The following SH2D3C variants were observed in gnomAD, a reference collection of about 807,000 sequenced individuals.
SH2D3C encodes SH2 domain containing 3C.
Under a neutral mutation model 75.2 loss-of-function variants are expected in SH2D3C, and 25 were observed. The ratio of observed to expected loss-of-function variants is 0.33; its 90% CI spans 0.24 to 0.46. SH2D3C has a LOEUF of 0.46. Among genes scored for constraint, SH2D3C ranks in the 20% least tolerant of loss-of-function variants. The pLI, the probability that SH2D3C is intolerant of heterozygous loss-of-function variation, is 1.00. For synonymous variants in SH2D3C, 450 were observed against 473.7 expected (o/e 0.95, Z 0.65); for missense variants, 933 against 1,165.3 (o/e 0.80, Z 2.90).
chr9:127,760,357 G>C (rs903221212), intron 3 of SH2D3C, among the ~76,000 whole-genome samples: 9 of 152,122 alleles, frequency 5.9e-5, no homozygotes, highest in African/African-American at 1.9e-4. Context: ...TATAGTCCTG[G>C]CATCAAACTT....
intron 2 of SH2D3C, among the ~76,000 whole-genome samples, chr9:127,767,868 G>A (rs1845663974): frequency 6.6e-6 from 1 of 152,212 alleles, no homozygotes; most frequent in Admixed American, 6.5e-5. Flanking sequence ...CAGTCAGTGG[G>A]CCTCTGAGCT....
At position 127,749,569 on chromosome 9, in the gene SH2D3C, G is replaced by C; in HGVS notation, c.781C>G (p.Gln261Glu). 2 of 1,611,786 alleles carry C rather than the reference G, an allele frequency of 1.2e-6. No homozygotes were observed. Among genetic ancestry groups the C allele is most frequent in the Non-Finnish European group, 1.7e-6 (2 of 1,178,936 alleles). The change falls in exon 5 of 12, where the codon CAG becomes GAG. Residue 261 changes from glutamine to glutamate, a missense_variant. By Grantham distance (29) the Gln-to-Glu change is conservative (BLOSUM62 2). Coordinates refer to ENST00000314830, the MANE Select transcript of SH2D3C (RefSeq NM_170600.3). The surrounding 1 kb of genome is among the most constrained non-coding windows in gnomAD (Gnocchi z 5.9). ...DYVLTCRWRN[Q>E]ALHFKINKVV... is the part of the protein sequence containing the mutation. Reference sequence around the variant, plus strand: ...TTGTTGATCTTGAAGTGCAAGGCCTGGTTGCGCCAGCGGCACGTGAGCACA... The same window carrying C: ...TTGTTGATCTTGAAGTGCAAGGCCTCGTTGCGCCAGCGGCACGTGAGCACA...
intron 2 of SH2D3C, chr9:127,771,506 C>A: frequency 1.7e-6 from 1 of 577,496 alleles, no homozygotes; most frequent in Non-Finnish European, 2.7e-6. Context: ...GAAGGCCTCG[C>A]CCCCTAGCAC....
intron 2 of SH2D3C, among the ~76,000 whole-genome samples, chr9:127,770,759 G>A (rs1845717671): frequency 6.6e-6 from 1 of 152,218 alleles, no homozygotes; most frequent in Admixed American, 6.5e-5. Context: ...GTCCACAGGG[G>A]AAGAAGGCTT....
chr9:127,739,881 C>T lies in SH2D3C; in HGVS notation c.2208G>A (p.Pro736=), dbSNP rs776797520. 2.6e-5 allele frequency: 39 copies of T among 1,526,480 alleles called. No homozygotes were observed. Among genetic ancestry groups the T allele is most frequent in the Non-Finnish European group, 2.9e-5 (33 of 1,130,294 alleles). The allele number at this position is 1,526,480 out of a possible 1,614,324, so 94.6% of individuals were successfully genotyped here. ...LKSLNEGKEG[P]PLSNTTFPHV... is the part of the protein sequence containing the mutation. ...GAGGAAACGTGGTGTTGCTCAGCGG[C>T]GGGCCTTCTGCAAGGAGAAAGGCAG... The change falls in exon 11 of 12, where the codon CCG becomes CCA. Residue 736 remains proline, a synonymous_variant. Transcript: ENST00000314830. This position sits in a 1 kb window ranked among gnomAD's most constrained non-coding sequence, Gnocchi z 4.3.
In SH2D3C at chr9:127,744,993, T is replaced by C; in HGVS notation, c.1371A>G (p.Pro457=). Residue 457 remains proline, a synonymous_variant, in exon 7 of 12, where the codon CCA becomes CCG. Transcript: ENST00000314830. The part of the protein sequence containing the change: ...SEPQLCPGSA[P]KTHGESDKGP... ...CCTTGTCTGACTCCCCATGGGTCTT[T>C]GGGGCACTTCCGGGACACAGCTGGG... The C allele has an allele frequency of 6.6e-7, 1 of 1,526,476 alleles. No individual in the cohort carries two copies. Among genetic ancestry groups the C allele is most frequent in the Non-Finnish European group, 8.8e-7 (1 of 1,136,906 alleles). 94.6% of individuals were successfully genotyped at this position (1,526,476 alleles called of 1,614,324 possible).
Position 127,774,222 on chromosome 9 carries a change from G to T in SH2D3C, c.283C>A (p.Arg95=). 1 of 1,613,930 alleles carries T rather than the reference G, an allele frequency of 6.2e-7. No homozygotes were observed. Among genetic ancestry groups the T allele is most frequent in the Non-Finnish European group, 8.5e-7 (1 of 1,179,944 alleles). ...TTGGGACCCGCCTCCTGGGCCTGCC[G>T]GGCAGCCTGTGAGTTCTGTGCTTTC... ...IKKAQNSQAA[R]QAQEAGPKPN... is the part of the protein sequence containing the mutation. The change falls in exon 2 of 12, where the codon CGG becomes AGG. Residue 95 remains arginine, a synonymous_variant. Transcript: ENST00000314830. The surrounding 1 kb of genome is among the most constrained non-coding windows in gnomAD (Gnocchi z 4.3).
intron 2 of SH2D3C, among the ~76,000 whole-genome samples, chr9:127,770,568 A>G (rs888730601): frequency 6.6e-6 from 1 of 152,170 alleles, no homozygotes; most frequent in Non-Finnish European, 1.5e-5. Context: ...AATGTTCAAC[A>G]GTCCCTGGAG....
chr9:127,763,887 C>T (rs1411064704), intron 2 of SH2D3C, among the ~76,000 whole-genome samples: 1 of 152,206 alleles, frequency 6.6e-6, no homozygotes, highest in Non-Finnish European at 1.5e-5. Context: ...TAACCACAGT[C>T]CCTCAAGCTA....
At position 127,744,926 on chromosome 9, in the gene SH2D3C, G is replaced by A; in HGVS notation, c.1438C>T (p.Pro480Ser). The A allele has an allele frequency of 6.3e-7, 1 of 1,597,304 alleles. No individual in the cohort carries two copies. The highest frequency in any genetic ancestry group is 8.5e-7 in the Non-Finnish European group (1 of 1,169,740). Reference sequence around the variant, plus strand: ...CTGTAGCTGCTGAGTGATGGTGACGGGGAGGCCTTGCCAAGGGTGTGGGAG... The same window carrying A: ...CTGTAGCTGCTGAGTGATGGTGACGAGGAGGCCTTGCCAAGGGTGTGGGAG... ...SPSHTLGKAS[P>S]SPSLSSYSDP... Residue 480 changes from proline to serine, a missense_variant, in exon 7 of 12, where the codon CCG becomes TCG. Physicochemically the swap from Pro to Ser is moderately conservative, Grantham distance 74. Coordinates refer to ENST00000314830, the MANE Select transcript of SH2D3C (RefSeq NM_170600.3).
Position 127,739,988 on chromosome 9 carries a change from AG to A in SH2D3C, c.2201-101del. 1.7e-6 allele frequency: 2 copies of A among 1,168,234 alleles called. No homozygotes were observed. The highest frequency in any genetic ancestry group is 1.2e-6 in the Non-Finnish European group (1 of 843,844). 72.4% of individuals were successfully genotyped at this position (1,168,234 alleles called of 1,614,324 possible). A position where few individuals can be genotyped will look rare whatever the true frequency, so the allele number is the denominator to read the frequency against. On this transcript the variant is annotated intron_variant, in intron 10 of 11. Coordinates refer to ENST00000314830, the MANE Select transcript of SH2D3C (RefSeq NM_170600.3). The surrounding 1 kb of genome is among the most constrained non-coding windows in gnomAD (Gnocchi z 4.3). ...GTGCAGGAGGGAACGGGCCTGGCTG[AG>A]GTCCGGGAGAGAGCCCCAAGGGCTC...
At chr9:127,770,204 T>C (rs1212893403) in intron 2 of SH2D3C, among the ~76,000 whole-genome samples, 1 of 151,994 alleles carries the variant, frequency 6.6e-6, no homozygotes, top group Non-Finnish European at 1.5e-5. Context: ...ATCCCCATGA[T>C]CTCAGCAGGG....
At chr9:127,742,807 C>A (rs1177321968) in intron 8 of SH2D3C, 42 bp downstream of exon 8, 2 of 1,504,826 alleles carry the variant, frequency 1.3e-6, no homozygotes, top group East Asian at 2.3e-5. Flanking sequence ...GTGCGGTAGC[C>A]GGGGGTTCCC....
At chr9:127,771,167 G>T in intron 2 of SH2D3C, 1 of 1,535,652 alleles carries the variant, frequency 6.5e-7, no homozygotes, top group Non-Finnish European at 8.8e-7. Flanking sequence ...CCCTCCCCAG[G>T]CCCAGCTCGG....
At chr9:127,748,761 C>T (rs1258005007) in intron 5 of SH2D3C, among the ~76,000 whole-genome samples, 1 of 152,194 alleles carries the variant, frequency 6.6e-6, no homozygotes, top group Non-Finnish European at 1.5e-5. Flanking sequence ...TGAGAACATC[C>T]CATTCCCTGT....
chr9:127,774,406 T>C lies in SH2D3C; in HGVS notation c.99A>G (p.Arg33=), dbSNP rs1401279033. 2.5e-6 allele frequency: 4 copies of C among 1,613,572 alleles called. No homozygotes were observed. Among genetic ancestry groups the C allele is most frequent in the African/African-American group, 2.7e-5 (2 of 74,882 alleles). ...GCCTACTGATGGAAGCTGAGGATCGTCTCAGAGTGAAGGACCGAGGGAGGT... is the reference window on the plus strand; with the variant it reads ...GCCTACTGATGGAAGCTGAGGATCGCCTCAGAGTGAAGGACCGAGGGAGGT... ...LSNLPRSFTL[R]RSSASISRQS... The change falls in exon 2 of 12, where the codon AGA becomes AGG. Residue 33 remains arginine, a synonymous_variant. Coordinates refer to ENST00000314830, the MANE Select transcript of SH2D3C (RefSeq NM_170600.3). The surrounding 1 kb of genome is among the most constrained non-coding windows in gnomAD (Gnocchi z 4.3).
intron 1 of SH2D3C, among the ~76,000 whole-genome samples, chr9:127,776,694 G>A (rs1287704833): frequency 6.6e-6 from 1 of 152,230 alleles, no homozygotes. Context: ...GCCCCCAGTT[G>A]ACAAGGGAGG....
In SH2D3C at chr9:127,749,136, G is replaced by A; in HGVS notation, c.1139+75C>T. 2 of 1,077,688 alleles carry A rather than the reference G, an allele frequency of 1.9e-6. No homozygotes were observed. Among genetic ancestry groups the A allele is most frequent in the Non-Finnish European group, 2.7e-6 (2 of 747,468 alleles). 66.8% of individuals were successfully genotyped at this position (1,077,688 alleles called of 1,614,324 possible). A position where few individuals can be genotyped will look rare whatever the true frequency, so the allele number is the denominator to read the frequency against. On this transcript the variant is annotated intron_variant, in intron 5 of 11. Transcript: ENST00000314830. This position sits in a 1 kb window ranked among gnomAD's most constrained non-coding sequence, Gnocchi z 5.9. ...GAGAGTAATTTCATCCCATTTCAGTGTACCTAGGCCTTCTCTTTCTCACTA... is the reference window on the plus strand; with the variant it reads ...GAGAGTAATTTCATCCCATTTCAGTATACCTAGGCCTTCTCTTTCTCACTA...
intron 3 of SH2D3C, among the ~76,000 whole-genome samples, chr9:127,753,962 G>A (rs1845277892): frequency 6.6e-6 from 1 of 152,200 alleles, no homozygotes; most frequent in Admixed American, 6.5e-5. Flanking sequence ...AAAGGGGCTG[G>A]GAGACTGGGC....
Sources: allele counts gnomAD v4.1 joint callset (sites outside exome capture counted in the v4.1 genomes callset), GRCh38; gene constraint gnomAD v4.1.1; non-coding constraint Gnocchi (gnomAD v3.1); transcripts MANE v1.5; gene names NCBI Gene and HGNC (gene_info 2026-07-23, HGNC 2026-07-21).